The following AMZ1 variants were observed in gnomAD, a reference collection of about 807,000 sequenced individuals.
AMZ1 encodes archaemetzincin-1.
In AMZ1, 39 loss-of-function variants were observed where a neutral mutation model predicts 29.9. The observed-to-expected ratio is 1.30, with a 90% CI of 1.01 to 1.70. The LOEUF (loss-of-function observed/expected upper bound fraction) is 1.70. AMZ1 is among the 40% of genes most tolerant of loss of function. The pLI is 0.00. For synonymous variants in AMZ1, 458 were observed against 304.0 expected (o/e 1.51, Z -5.27); for missense variants, 1,041 against 680.6 (o/e 1.53, Z -5.89).
chr7:2,759,803 C>T (rs530178481), upstream of AMZ1, among the ~76,000 whole-genome samples: 1 of 152,266 alleles, frequency 6.6e-6, no homozygotes, highest in East Asian at 1.9e-4. Flanking sequence ...AGGGCTGGGC[C>T]GCTCCCTCCA....
chr7:2,709,028 A>G (rs749076310), intron 4 of AMZ1, 47 bp from the exon 5 acceptor site: 6 of 1,523,184 alleles, frequency 3.9e-6, no homozygotes, highest in Non-Finnish European at 5.3e-6. Flanking sequence ...GGCCCCCCAG[A>G]GCCAAGGCTG....
intron 3 of AMZ1, among the ~76,000 whole-genome samples, chr7:2,706,890 C>G (rs988374892): frequency 7.1e-6 from 1 of 141,708 alleles, no homozygotes. Context: ...GAGGCCGAGG[C>G]AGGAAGATTG....
chr7:2,684,719 G>C (rs865839932), upstream of AMZ1, among the ~76,000 whole-genome samples: 1 of 152,166 alleles, frequency 6.6e-6, no homozygotes, highest in East Asian at 1.9e-4. Context: ...GTCATCAGCA[G>C]GCTGCCTCTG....
intron 4 of AMZ1, among the ~76,000 whole-genome samples, chr7:2,758,375 G>C (rs1034245744): frequency 6.6e-5 from 10 of 152,180 alleles, no homozygotes; most frequent in Non-Finnish European, 1.5e-4. Flanking sequence ...CTCCAATGCA[G>C]GCTTGCACAT....
In AMZ1 at chr7:2,700,448, C is replaced by T. The variant is rs781448993; in HGVS notation, c.-4C>T. ...CAGGAGTGGCCAGGCCCTGCCCGCC[C>T]ACCATGCTGCAGTGTAGACCCGCAC... On this transcript the variant is annotated 5_prime_UTR_variant, in exon 2 of 7. Coordinates refer to ENST00000683327, the MANE Select transcript of AMZ1 (RefSeq NM_001384743.1). 7.5e-6 allele frequency: 12 copies of T among 1,595,190 alleles called. No individual in the cohort carries two copies. Among genetic ancestry groups the T allele is most frequent in the African/African-American group, 2.7e-5 (2 of 74,808 alleles).
At chr7:2,705,049 C>G (rs35912265) in intron 3 of AMZ1, among the ~76,000 whole-genome samples, 16,544 of 152,290 alleles carry the variant, frequency 0.11, 1,251 homozygotes, top group Non-Finnish European at 0.15. Flanking sequence ...AATTTTGTCT[C>G]AGTTATCCTG....
chr7:2,737,174 T>A (rs1383302318), intron 4 of AMZ1, among the ~76,000 whole-genome samples: 1 of 151,524 alleles, frequency 6.6e-6, no homozygotes, highest in Non-Finnish European at 1.5e-5. Context: ...CAGAGAGTGG[T>A]TACAAAGAAA....
Position 2,752,031 on chromosome 7 carries a change from G to C in AMZ1, n.551-12681G>C, listed in dbSNP as rs924359606. ...CCAGCATCATCCTGGTACCCACACC[G>C]ACAAGATTATCAAAAAAGAAAAATT... On this transcript the variant is annotated intron_variant and non_coding_transcript_variant, in intron 4 of 4. Coordinates refer to the AMZ1 transcript ENST00000489665. Among the ~76,000 whole-genome samples, 3 of 151,972 alleles carry C rather than the reference G, an allele frequency of 2.0e-5. No individual in the cohort carries two copies. In the East Asian group the frequency reaches 5.8e-4, roughly 29 times the overall value.
upstream of AMZ1, chr7:2,762,647 G>A (rs751058368): frequency 9.3e-5 from 149 of 1,597,930 alleles, no homozygotes; most frequent in Non-Finnish European, 1.2e-4. Flanking sequence ...AGCACAGAGC[G>A]GCAGGACGAT....
chr7:2,753,361 G>T (rs1036104263), intron 4 of AMZ1, among the ~76,000 whole-genome samples: 32 of 152,034 alleles, frequency 2.1e-4, no homozygotes, highest in African/African-American at 6.8e-4. Flanking sequence ...ATGTTGTCCA[G>T]GCTGGTCTTA....
At chr7:2,736,756 C>T (rs549547764) in intron 4 of AMZ1, among the ~76,000 whole-genome samples, 3 of 152,346 alleles carry the variant, frequency 2.0e-5, no homozygotes, top group African/African-American at 4.8e-5. Context: ...GGCTTGCTGC[C>T]GCTCAGAACT....
At chr7:2,702,981 C>T (rs1788148239) in intron 3 of AMZ1, 92 bp downstream of exon 3, 1 of 1,422,634 alleles carries the variant, frequency 7.0e-7, no homozygotes, top group South Asian at 1.3e-5. Flanking sequence ...GGAAGGGAAC[C>T]TTTTCTTCCT....
rs540366474 is a variant in AMZ1, at chr7:2,682,541, C to T, written c.-219+2870C>T. On this transcript the variant is annotated intron_variant, in intron 1 of 6. Transcript: ENST00000312371. Reference sequence around the variant, plus strand: ...GGCTTGACTGTACTCTGTGCTAGGACACCCCAAGTCCCGCAGGCAGTGCTG... The same window carrying T: ...GGCTTGACTGTACTCTGTGCTAGGATACCCCAAGTCCCGCAGGCAGTGCTG... Among the ~76,000 whole-genome samples, 7 of 152,304 alleles carry T rather than the reference C, an allele frequency of 4.6e-5. No individual in the cohort carries two copies. In the South Asian group the frequency reaches 1.0e-3, roughly 23 times the overall value.
intron 1 of AMZ1, among the ~76,000 whole-genome samples, chr7:2,691,146 A>G (rs1787363922): frequency 6.8e-6 from 1 of 147,582 alleles, no homozygotes; most frequent in Non-Finnish European, 1.5e-5. Context: ...AAAAAAAAAA[A>G]AAAAGCATTT....
chr7:2,745,758 C>A (rs1444183110), intron 4 of AMZ1, among the ~76,000 whole-genome samples: 2 of 152,174 alleles, frequency 1.3e-5, no homozygotes, highest in Admixed American at 1.3e-4. Context: ...CATCAGTGTG[C>A]TGTATTCAGG....
chr7:2,720,739 CTA>C (rs1175489012), downstream of AMZ1, among the ~76,000 whole-genome samples: 1 of 151,944 alleles, frequency 6.6e-6, no homozygotes, highest in African/African-American at 2.4e-5. Context: ...AGGGGTCTTG[CTA>C]TGTTGCCCAG....
At chr7:2,738,349 G>A (rs1239659429) in intron 4 of AMZ1, among the ~76,000 whole-genome samples, 2 of 152,118 alleles carry the variant, frequency 1.3e-5, no homozygotes, top group Non-Finnish European at 2.9e-5. Context: ...GGCACAAGCT[G>A]TCACTGCAGG....
intron 3 of AMZ1, among the ~76,000 whole-genome samples, chr7:2,707,263 C>G (rs1788409592): frequency 1.4e-5 from 2 of 139,396 alleles, no homozygotes; most frequent in Non-Finnish European, 3.1e-5. Flanking sequence ...GGCAACAAAG[C>G]AACACTCCAT....
intron 3 of AMZ1, among the ~76,000 whole-genome samples, chr7:2,703,335 C>T (rs191981985): frequency 6.6e-6 from 1 of 152,166 alleles, no homozygotes; most frequent in East Asian, 1.9e-4. Flanking sequence ...GAGACAGGGT[C>T]TCACTGTGTT....
Sources: allele counts gnomAD v4.1 joint callset (sites outside exome capture counted in the v4.1 genomes callset), GRCh38; gene constraint gnomAD v4.1.1; transcripts MANE v1.5; gene names NCBI Gene and HGNC (gene_info 2026-07-23, HGNC 2026-07-21).